The following TAFA2 variants were observed in gnomAD, a reference collection of about 807,000 sequenced individuals.
TAFA2 encodes TAFA chemokine like family member 2.
Under a neutral mutation model 18.8 loss-of-function variants are expected in TAFA2, and 7 were observed. The observed-to-expected ratio is 0.37, with a 90% CI of 0.21 to 0.70. TAFA2 has a LOEUF of 0.70. Among genes scored for constraint, TAFA2 ranks in the 30% least tolerant of loss-of-function variants. TAFA2 has a pLI of 0.53. For synonymous variants in TAFA2, 60 were observed against 54.2 expected (o/e 1.11, Z -0.47); for missense variants, 122 against 158.1 (o/e 0.77, Z 1.23).
intron 2 of TAFA2, among the ~76,000 whole-genome samples, chr12:61,809,188 G>T (rs185628747): frequency 6.6e-6 from 1 of 151,478 alleles, no homozygotes; most frequent in African/African-American, 2.5e-5. Context: ...CTAAAGTCAG[G>T]CTTCCTGGAT....
chr12:61,767,265 A>T (rs2120825915), intron 2 of TAFA2, among the ~76,000 whole-genome samples: 1 of 152,150 alleles, frequency 6.6e-6, no homozygotes, highest in East Asian at 1.9e-4. Context: ...ACTTATTTGG[A>T]CTTTAGTTTC....
intron 1 of TAFA2, among the ~76,000 whole-genome samples, chr12:61,970,738 A>G (rs1160256614): frequency 1.3e-5 from 2 of 151,554 alleles, no homozygotes; most frequent in Admixed American, 6.6e-5. Flanking sequence ...TATAGAAACA[A>G]GAGTCACCAG....
At chr12:61,984,786 A>T (rs1399985766) in intron 1 of TAFA2, among the ~76,000 whole-genome samples, 2 of 152,220 alleles carry the variant, frequency 1.3e-5, no homozygotes, top group African/African-American at 2.4e-5. Flanking sequence ...CAGTGGTTAT[A>T]TAACTTGTCC....
intron 2 of TAFA2, among the ~76,000 whole-genome samples, chr12:61,861,040 T>C (rs1217099596): frequency 2.6e-5 from 4 of 151,926 alleles, no homozygotes; most frequent in Non-Finnish European, 5.9e-5. Context: ...AACCTCTGCC[T>C]CCTGGGTTCA....
At chr12:61,742,794 T>C (rs532972021) in intron 4 of TAFA2, among the ~76,000 whole-genome samples, 122 of 152,176 alleles carry the variant, frequency 8.0e-4, no homozygotes, top group African/African-American at 2.8e-3. Flanking sequence ...TGAGTCTGAA[T>C]TTTTCCTTTC....
In TAFA2 at chr12:61,917,401, T is replaced by C. The variant is rs1876870555; in HGVS notation, c.-1-49975A>G. On this transcript the variant is annotated intron_variant, in intron 1 of 4. Coordinates refer to ENST00000416284, the MANE Select transcript of TAFA2 (RefSeq NM_178539.5). ...GTTATATCCAGCTCTTTGTGTAGTA[T>C]TCCTAACAACTATGCATCTAGGCTC... 2.6e-5 allele frequency among the ~76,000 whole-genome samples: 4 copies of C among 152,212 alleles called. No homozygotes were observed. The South Asian group carries it at 8.3e-4, about 32-fold the overall frequency.
At chr12:61,782,112 T>C (rs1870530415) in intron 2 of TAFA2, among the ~76,000 whole-genome samples, 1 of 151,604 alleles carries the variant, frequency 6.6e-6, no homozygotes, top group South Asian at 2.1e-4. Context: ...AGGTATAAAA[T>C]ATAAACGAAA....
intron 1 of TAFA2, among the ~76,000 whole-genome samples, chr12:62,050,212 G>A (rs1882014355): frequency 6.6e-6 from 1 of 151,846 alleles, no homozygotes; most frequent in Non-Finnish European, 1.5e-5. Context: ...ACCTTCCAGG[G>A]GACACAGATT....
intron 4 of TAFA2, among the ~76,000 whole-genome samples, chr12:61,742,761 G>A (rs1868514940): frequency 6.6e-6 from 1 of 151,986 alleles, no homozygotes; most frequent in Non-Finnish European, 1.5e-5. Context: ...AATAAGTCAA[G>A]CAAGAAATAT....
chr12:62,027,043 T>C (rs1226575960), intron 1 of TAFA2, among the ~76,000 whole-genome samples: 3 of 152,120 alleles, frequency 2.0e-5, no homozygotes, highest in African/African-American at 7.2e-5. Flanking sequence ...ATGGCATATA[T>C]AAAAGCACTA....
chr12:62,109,609 T>C (rs1435452262), intron 1 of TAFA2, among the ~76,000 whole-genome samples: 2 of 152,226 alleles, frequency 1.3e-5, no homozygotes. Flanking sequence ...TTCCTATCCA[T>C]GAGCATGAAT....
At chr12:62,061,447 G>A (rs1882346399) in intron 1 of TAFA2, among the ~76,000 whole-genome samples, 1 of 152,106 alleles carries the variant, frequency 6.6e-6, no homozygotes, top group African/African-American at 2.4e-5. Flanking sequence ...CTTTACTATC[G>A]AAGTTTGTGA....
chr12:61,786,249 A>AG (rs1870733469), intron 2 of TAFA2, among the ~76,000 whole-genome samples: 2 of 151,722 alleles, frequency 1.3e-5, no homozygotes, highest in African/African-American at 4.8e-5. Context: ...CCTCAGGAGT[A>AG]GGGGATAATT....
chr12:62,061,261 T>C (rs536010047), intron 1 of TAFA2, among the ~76,000 whole-genome samples: 1 of 152,338 alleles, frequency 6.6e-6, no homozygotes, highest in African/African-American at 2.4e-5. Context: ...AGGTGGGCCA[T>C]GTTTTGTCTT....
chr12:61,758,272 G>A (rs1869369814), intron 2 of TAFA2, among the ~76,000 whole-genome samples: 1 of 151,824 alleles, frequency 6.6e-6, no homozygotes, highest in African/African-American at 2.4e-5. Flanking sequence ...AGCAAGAGCT[G>A]GAATGAATCA....
At chr12:61,970,655 A>G (rs1879216272) in intron 1 of TAFA2, among the ~76,000 whole-genome samples, 4 of 151,490 alleles carry the variant, frequency 2.6e-5, no homozygotes, top group Non-Finnish European at 4.4e-5. Context: ...ATATAACAGA[A>G]GAACTGTTTT....
chr12:62,247,597 A>G lies in TAFA2; in HGVS notation c.-130+11166T>C, dbSNP rs367873567. 1.2e-4 allele frequency among the ~76,000 whole-genome samples: 19 copies of G among 152,364 alleles called. No homozygotes were observed. In the East Asian group the frequency reaches 3.7e-3, roughly 29 times the overall value. ...AATTTTCAACAGTACCTTTGACTACACAACAATTTTCTAGATAGCTTTGGA... is the reference window on the plus strand; with the variant it reads ...AATTTTCAACAGTACCTTTGACTACGCAACAATTTTCTAGATAGCTTTGGA... On this transcript the variant is annotated intron_variant, in intron 1 of 5. Transcript: ENST00000551619.
chr12:61,940,873 G>A (rs12307540), intron 1 of TAFA2, among the ~76,000 whole-genome samples: 13,452 of 152,048 alleles, frequency 0.088, 1,965 homozygotes, highest in African/African-American at 0.3. Context: ...TGCATTGAGG[G>A]AAACGGTAGT....
chr12:62,257,201 T>TGTGTGTGTGTGTGTGTGTGA (rs1565789942), intron 1 of TAFA2, among the ~76,000 whole-genome samples: 8 of 115,068 alleles, frequency 7.0e-5, no homozygotes, highest in Non-Finnish European at 1.1e-4. Flanking sequence ...TGTGTGTGTG[T>TGTGTGTGTGTGTGTGTGTGA]GATTTGCTAA....
Sources: gnomAD v4.1 joint callset for allele counts (sites outside exome capture counted in the v4.1 genomes callset) on GRCh38, gnomAD v4.1.1 for gene constraint, MANE v1.5 for transcripts, NCBI Gene and HGNC (gene_info 2026-07-23, HGNC 2026-07-21) for gene names.